The following ZZEF1 variants were observed in gnomAD, a reference collection of about 807,000 sequenced individuals.
ZZEF1 encodes the protein zinc finger ZZ-type and EF-hand domain-containing protein 1.
In ZZEF1, 157 loss-of-function variants were observed where a neutral mutation model predicts 342.8. The observed-to-expected ratio is 0.46, with a 90% CI of 0.40 to 0.52. ZZEF1 has a LOEUF of 0.52. Ranked by LOEUF, ZZEF1 falls within the 20% of genes least tolerant of loss-of-function variation. ZZEF1 has a pLI of 0.00. For missense variants in ZZEF1, 3,480 were observed against 3,725.6 expected (o/e 0.93, Z 1.72); for synonymous variants, 1,505 against 1,429.1 (o/e 1.05, Z -1.20).
At chr17:4,126,954 G>T (rs571057631) in intron 1 of ZZEF1, among the ~76,000 whole-genome samples, 1 of 151,946 alleles carries the variant, frequency 6.6e-6, no homozygotes. Flanking sequence ...GTGCTAGAGC[G>T]AGAGTCTGTC....
At position 4,032,948 on chromosome 17, in the gene ZZEF1, G is replaced by A. The variant is rs551251114; in HGVS notation, c.6639C>T (p.Asn2213=). 2.5e-6 allele frequency: 4 copies of A among 1,609,492 alleles called. No homozygotes were observed. In the South Asian group the frequency reaches 4.4e-5, roughly 18 times the overall value. ...TGACATCACGCCACAGTGGGGCACT[G>A]TTGAGTGACCGCAGGATCTCTGCCA... ...CSMAEILRSL[N]SAPLWRDVIA... The change falls in exon 41 of 55, where the codon AAC becomes AAT. Residue 2213 remains asparagine, a synonymous_variant. Coordinates refer to ENST00000381638, the MANE Select transcript of ZZEF1 (RefSeq NM_015113.4).
intron 2 of ZZEF1, among the ~76,000 whole-genome samples, chr17:4,120,507 A>T: frequency 6.6e-6 from 1 of 152,234 alleles, no homozygotes; most frequent in East Asian, 1.9e-4. Context: ...CACAAGGCAA[A>T]GTCCCATGAC....
chr17:4,038,543 G>A (rs1363024245), intron 39 of ZZEF1, among the ~76,000 whole-genome samples: 6 of 152,202 alleles, frequency 3.9e-5, no homozygotes, highest in East Asian at 1.9e-4. Context: ...AGCGGCTCAC[G>A]CCTGTCATTC....
At chr17:4,076,478 T>G in intron 21 of ZZEF1, 159 bp downstream of exon 21, 3 of 930,864 alleles carry the variant, frequency 3.2e-6, no homozygotes, top group Non-Finnish European at 4.6e-6. Flanking sequence ...CGACTTGGAC[T>G]GACATTCACC....
intron 7 of ZZEF1, 72 bp from the exon 8 acceptor site, chr17:4,104,883 A>C: frequency 7.4e-7 from 1 of 1,348,876 alleles, no homozygotes; most frequent in South Asian, 1.3e-5. Flanking sequence ...AACCCCATGT[A>C]AGTGATCAAC....
chr17:4,059,123 G>T, intron 31 of ZZEF1, 48 bp downstream of exon 31: 6 of 1,448,762 alleles, frequency 4.1e-6, no homozygotes, highest in Non-Finnish European at 5.4e-6. Flanking sequence ...TTTATAATCA[G>T]AAAAAAATAC....
intron 42 of ZZEF1, among the ~76,000 whole-genome samples, chr17:4,029,171 A>G (rs1321247251): frequency 6.6e-6 from 1 of 152,214 alleles, no homozygotes; most frequent in Non-Finnish European, 1.5e-5. Flanking sequence ...CATTCTCTTC[A>G]AGTGTACATG....
chr17:4,042,710 C>T, intron 38 of ZZEF1, 142 bp from the exon 39 acceptor site: 1 of 932,570 alleles, frequency 1.1e-6, no homozygotes, highest in Non-Finnish European at 1.5e-6. Context: ...GAGAGGGAGT[C>T]TCACTCTGTT....
chr17:4,093,933 A>G (rs886585813), intron 11 of ZZEF1, among the ~76,000 whole-genome samples: 1 of 152,150 alleles, frequency 6.6e-6, no homozygotes, highest in South Asian at 2.1e-4. Context: ...TCTGGGTAAC[A>G]TCTGACACCA....
chr17:4,058,182 G>C (rs1025895724), intron 31 of ZZEF1, 27 bp from the exon 32 acceptor site: 1 of 1,597,370 alleles, frequency 6.3e-7, no homozygotes, highest in Non-Finnish European at 8.5e-7. Context: ...GTGACCATTA[G>C]CAGAGCTGCT....
intron 42 of ZZEF1, among the ~76,000 whole-genome samples, chr17:4,029,203 T>C (rs1230167007): frequency 6.6e-6 from 1 of 152,192 alleles, no homozygotes; most frequent in African/African-American, 2.4e-5. Context: ...AAAACAGACC[T>C]AATTTTGGAC....
At chr17:4,082,942 A>AT (rs1165529842) in intron 16 of ZZEF1, among the ~76,000 whole-genome samples, 2 of 152,020 alleles carry the variant, frequency 1.3e-5, no homozygotes, top group South Asian at 2.1e-4. Context: ...CGCCTGGCTA[A>AT]TTTTTGTATT....
intron 18 of ZZEF1, among the ~76,000 whole-genome samples, chr17:4,080,222 T>C (rs199653278): frequency 6.6e-6 from 1 of 152,170 alleles, no homozygotes; most frequent in East Asian, 1.9e-4. Context: ...AAATCCCTTA[T>C]ATTTTTTAAA....
At chr17:4,075,521 C>T in intron 21 of ZZEF1, 92 bp from the exon 22 acceptor site, 2 of 1,459,208 alleles carry the variant, frequency 1.4e-6, no homozygotes, top group Non-Finnish European at 1.8e-6. Context: ...GTGCTCCAGG[C>T]AGATGGCCTT....
intron 52 of ZZEF1, among the ~76,000 whole-genome samples, chr17:4,012,680 T>C (rs1437837027): frequency 6.6e-6 from 1 of 152,134 alleles, no homozygotes; most frequent in Non-Finnish European, 1.5e-5. Flanking sequence ...GCAAGAACAG[T>C]GTCTAAGCAT....
chr17:4,008,565 A>C lies in ZZEF1; in HGVS notation c.8805+318T>G. 9.1e-7 allele frequency: 1 copy of C among 1,098,500 alleles called. No homozygotes were observed. Among genetic ancestry groups the C allele is most frequent in the Admixed American group, 5.0e-5 (1 of 20,138 alleles). The allele number at this position is 1,098,500 out of a possible 1,614,324, so 68.0% of individuals were successfully genotyped here. On this transcript the variant is annotated intron_variant, in intron 54 of 54. Transcript: ENST00000381638. The surrounding 1 kb of genome is among the most constrained non-coding windows in gnomAD (Gnocchi z 4.2). ...AGTTCCGCTACCAGAGAAGCAACTC[A>C]CATCTAAAAATATGTGAAATCTAAC... is the stretch of plus-strand genomic sequence containing the variant.
At chr17:4,070,580 ATG>A (rs1567813414) in intron 26 of ZZEF1, 102 bp downstream of exon 26, 4 of 1,304,880 alleles carry the variant, frequency 3.1e-6, no homozygotes, top group Non-Finnish European at 4.1e-6. Context: ...AGTTATAGAA[ATG>A]TGTTTATATT....
At chr17:4,053,595 G>A (rs1464053867) in intron 34 of ZZEF1, among the ~76,000 whole-genome samples, 1 of 152,180 alleles carries the variant, frequency 6.6e-6, no homozygotes, top group Non-Finnish European at 1.5e-5. Flanking sequence ...ATGGTTCCAG[G>A]GCAAGGGCTG....
rs754410326 is a variant in ZZEF1 at position 4,013,518 on chromosome 17, C to T, written c.8510G>A (p.Arg2837His). The T allele has an allele frequency of 8.1e-6, 13 of 1,613,892 alleles. No homozygotes were observed. The highest frequency in any genetic ancestry group is 2.2e-5 in the South Asian group (2 of 91,048). The change falls in exon 52 of 55, where the codon CGC (arginine) becomes CAC (histidine). Residue 2837 changes from arginine (R) to histidine (H), a missense_variant. Transcript: ENST00000381638. Reference sequence around the variant, plus strand: ...TTTTAATCGTTGATGGCCAGTCTGGCGACAGGCCACGCCCACCAGCCATTC... The same window carrying T: ...TTTTAATCGTTGATGGCCAGTCTGGTGACAGGCCACGCCCACCAGCCATTC... ...IWEWLVGVAC[R>H]QTGHQRLKAI... is the part of the protein sequence containing the mutation.
Sources: gnomAD v4.1 joint callset for allele counts (sites outside exome capture counted in the v4.1 genomes callset) on GRCh38, gnomAD v4.1.1 for gene constraint, Gnocchi (gnomAD v3.1) non-coding constraint, MANE v1.5 for transcripts, NCBI Gene and HGNC (gene_info 2026-07-23, HGNC 2026-07-21) for gene names.